Variants in ADCY8 observed in about 807,000 individuals in gnomAD.
ADCY8 encodes the protein adenylate cyclase 8.
Under a neutral mutation model 119.7 loss-of-function variants are expected in ADCY8, and 51 were observed. That is an observed-to-expected ratio of 0.43 (90% CI 0.34 to 0.54). The LOEUF (loss-of-function observed/expected upper bound fraction) is 0.54, where lower values mean the gene tolerates loss of function less well. Among genes scored for constraint, ADCY8 ranks in the 20% least tolerant of loss-of-function variants. ADCY8 has a pLI of 0.03. For missense variants in ADCY8, 1,383 were observed against 1,598.8 expected (o/e 0.87, Z 2.30); for synonymous variants, 665 against 651.0 (o/e 1.02, Z -0.33).
intron 5 of ADCY8, among the ~76,000 whole-genome samples, chr8:130,922,307 T>C (rs1395680221): frequency 6.7e-6 from 1 of 150,192 alleles, no homozygotes; most frequent in African/African-American, 2.5e-5. Context: ...GGTCAGCAGA[T>C]AAACAAGTGA....
chr8:130,890,045 G>T (rs1175663727), intron 7 of ADCY8, among the ~76,000 whole-genome samples: 1 of 152,038 alleles, frequency 6.6e-6, no homozygotes, highest in African/African-American at 2.4e-5. Flanking sequence ...ATCTATAACT[G>T]AGTCTCCGGC....
At chr8:130,787,825 C>T (rs1274935954) in intron 15 of ADCY8, among the ~76,000 whole-genome samples, 1 of 150,402 alleles carries the variant, frequency 6.6e-6, no homozygotes, top group Non-Finnish European at 1.5e-5. Flanking sequence ...TGTGCATGTG[C>T]ATCCACATGT....
chr8:130,868,813 T>TTTTTGTAATC (rs1818222428), intron 8 of ADCY8, among the ~76,000 whole-genome samples: 1 of 152,170 alleles, frequency 6.6e-6, no homozygotes, highest in Non-Finnish European at 1.5e-5. Flanking sequence ...AAACTAAGTG[T>TTTTTGTAATC]CACTTTGGAA....
chr8:130,820,498 G>C (rs1003139210), intron 13 of ADCY8, among the ~76,000 whole-genome samples: 4 of 152,230 alleles, frequency 2.6e-5, no homozygotes, highest in African/African-American at 9.6e-5. Context: ...CCCAAGCGAC[G>C]AACGTTCATG....
At position 130,969,132 on chromosome 8, in the gene ADCY8, T is replaced by A. The variant is rs575195153; in HGVS notation, c.1111-17134A>T. Among the ~76,000 whole-genome samples the A allele has an allele frequency of 1.6e-4, 25 of 152,262 alleles. 1 individual carries two copies. The South Asian group carries it at 5.2e-3, about 32-fold the overall frequency. On this transcript the variant is annotated intron_variant, in intron 2 of 17. Transcript: ENST00000286355. ...TTCTGGATGTTTCTGTGAAGGTGAT[T>A]TTGGACAAGATTAACATTTAAATTG... is the stretch of plus-strand genomic sequence containing the variant.
chr8:130,846,894 T>TCCCTTCCCTTCCCTTC (rs1455977926), intron 11 of ADCY8, among the ~76,000 whole-genome samples: 5 of 50,692 alleles, frequency 9.9e-5, no homozygotes, highest in Admixed American at 2.5e-4. Context: ...TCCCTTTCCT[T>TCCCTTCCCTTCCCTTC]CCTTCCTTCC....
chr8:130,815,104 T>A (rs1346335435), intron 13 of ADCY8, among the ~76,000 whole-genome samples: 6 of 152,160 alleles, frequency 3.9e-5, no homozygotes, highest in Non-Finnish European at 5.9e-5. Context: ...ACACTCGCTC[T>A]TTCTCTCTCC....
rs999351738 is a variant in ADCY8, at chr8:130,932,185, G to C, written c.1481+4888C>G. 2.6e-5 allele frequency among the ~76,000 whole-genome samples: 4 copies of C among 152,232 alleles called. No individual in the cohort carries two copies. In the East Asian group the frequency reaches 7.7e-4, roughly 29 times the overall value. On this transcript the variant is annotated intron_variant, in intron 5 of 17. Transcript: ENST00000286355. ...GCTAGAAACATGGTATCTACTACAT[G>C]GGTATTACTTCTGGGTGGGCCAGAA...
chr8:130,808,897 CT>C (rs1816069986), intron 14 of ADCY8, among the ~76,000 whole-genome samples: 2 of 37,434 alleles, frequency 5.3e-5, no homozygotes, highest in Non-Finnish European at 7.7e-5. Context: ...TTTTCAACAA[CT>C]CCTCATAAAG....
intron 7 of ADCY8, among the ~76,000 whole-genome samples, chr8:130,890,754 T>C (rs1208109503): frequency 6.6e-6 from 1 of 152,150 alleles, no homozygotes; most frequent in Non-Finnish European, 1.5e-5. Flanking sequence ...CCTTGAGCCT[T>C]TTCTGGGACC....
intron 7 of ADCY8, among the ~76,000 whole-genome samples, chr8:130,890,835 G>A (rs1389908523): frequency 6.6e-6 from 1 of 152,200 alleles, no homozygotes; most frequent in Non-Finnish European, 1.5e-5. Context: ...GGTCACTAGT[G>A]AAAGCACTTT....
intron 2 of ADCY8, among the ~76,000 whole-genome samples, chr8:130,980,211 T>C (rs1397582254): frequency 1.3e-5 from 2 of 152,208 alleles, no homozygotes; most frequent in Non-Finnish European, 2.9e-5. Flanking sequence ...ATACCAGTGA[T>C]ATTGAATTAA....
chr8:130,896,631 T>C (rs11777051), intron 7 of ADCY8, among the ~76,000 whole-genome samples: 71,801 of 152,002 alleles, frequency 0.47, 18,491 homozygotes, highest in East Asian at 0.63. Flanking sequence ...TTTATCTACA[T>C]AAAATCATAA....
chr8:130,781,614 T>C (rs1014847318), intron 17 of ADCY8, among the ~76,000 whole-genome samples: 1 of 152,220 alleles, frequency 6.6e-6, no homozygotes, highest in African/African-American at 2.4e-5. Flanking sequence ...TACTGCTGCA[T>C]TATATTCACA....
At chr8:130,966,356 C>T (rs918614034) in intron 2 of ADCY8, among the ~76,000 whole-genome samples, 15 of 152,038 alleles carry the variant, frequency 9.9e-5, no homozygotes, top group African/African-American at 2.9e-4. Context: ...TCCTGCCTAA[C>T]GTACATGATT....
intron 1 of ADCY8, among the ~76,000 whole-genome samples, chr8:131,000,742 C>A (rs1316485339): frequency 6.6e-6 from 1 of 152,170 alleles, no homozygotes; most frequent in Middle Eastern, 3.4e-3. Context: ...CGACAGTTCA[C>A]CCCATCAACA....
rs199612468 is a variant in ADCY8 at position 130,937,061 on chromosome 8, A to G, written c.1481+12T>C. The G allele has an allele frequency of 1.2e-6, 2 of 1,604,268 alleles. No individual in the cohort carries two copies. Among genetic ancestry groups the G allele is most frequent in the African/African-American group, 1.3e-5 (1 of 74,694 alleles). On this transcript the variant is annotated intron_variant, in intron 5 of 17. Coordinates refer to ENST00000286355, the MANE Select transcript of ADCY8 (RefSeq NM_001115.3). ...TGAAGACCCAGGTAACATGATGGGGATCACAAATTACCTGATGGTTTTGAT... is the reference window on the plus strand; with the variant it reads ...TGAAGACCCAGGTAACATGATGGGGGTCACAAATTACCTGATGGTTTTGAT...
In ADCY8 at chr8:130,823,549, C is replaced by T. The variant is rs373376508; in HGVS notation, c.2676-2129G>A. The stretch of plus-strand genomic sequence containing the variant: ...AATCACTGAGTTAATACTGTCATCT[C>T]TTTATGCTAATAGAAAGGAACATTC... On this transcript the variant is annotated intron_variant, in intron 12 of 17. Coordinates refer to ENST00000286355, the MANE Select transcript of ADCY8 (RefSeq NM_001115.3). Among the ~76,000 whole-genome samples, 221 of 152,254 alleles carry T rather than the reference C, an allele frequency of 1.5e-3. 2 individuals carry two copies. The highest frequency in any genetic ancestry group is 0.012 in the South Asian group (56 of 4,828).
At chr8:130,868,115 T>C (rs986836431) in intron 8 of ADCY8, among the ~76,000 whole-genome samples, 169 bp from the exon 9 acceptor site, 3 of 152,170 alleles carry the variant, frequency 2.0e-5, no homozygotes, top group African/African-American at 7.2e-5. Flanking sequence ...CTGCCAACTT[T>C]CCAGTGAGAG....
Sources: allele counts gnomAD v4.1 joint callset (sites outside exome capture counted in the v4.1 genomes callset), GRCh38; gene constraint gnomAD v4.1.1; transcripts MANE v1.5; gene names NCBI Gene and HGNC (gene_info 2026-07-23, HGNC 2026-07-21).